Variants in GAPVD1 observed in about 807,000 individuals in gnomAD.
GAPVD1 encodes the protein GTPase activating protein and VPS9 domains 1.
Under a neutral mutation model 155.5 loss-of-function variants are expected in GAPVD1, and 35 were observed. The ratio of observed to expected loss-of-function variants is 0.23; its 90% confidence interval spans 0.17 to 0.30. The LOEUF is 0.30. Ranked by LOEUF, GAPVD1 falls within the 10% of genes least tolerant of loss-of-function variation. GAPVD1 has a pLI of 1.00. For missense variants in GAPVD1, 1,429 were observed against 1,775.7 expected (o/e 0.80, Z 3.51); for synonymous variants, 636 against 619.7 (o/e 1.03, Z -0.39).
intron 26 of GAPVD1, 30 bp downstream of exon 26, chr9:125,359,522 G>C (rs755701693): frequency 1.9e-6 from 2 of 1,057,112 alleles, no homozygotes; most frequent in South Asian, 2.5e-5. Context: ...CATGGGTAAT[G>C]TTAACTAAAT....
chr9:125,331,994 T>G lies in GAPVD1; in HGVS notation c.2242T>G (p.Ser748Ala), dbSNP rs1336579756. The stretch of plus-strand genomic sequence containing the variant: ...GAGCTGTTCTGGACTGGGTAGCACA[T>G]CTGATGATACGGATGTCAGGGAGGT... ...LESCSGLGST[S>A]DDTDVREVSS... The change falls in exon 14 of 28, where the codon TCT becomes GCT. Residue 748 changes from serine to alanine, a missense_variant. Coordinates refer to ENST00000297933, the MANE Select transcript of GAPVD1 (RefSeq NM_001282680.3). The G allele has an allele frequency of 6.2e-7, 1 of 1,613,958 alleles. No homozygotes were observed. Among genetic ancestry groups the G allele is most frequent in the Admixed American group, 1.7e-5 (1 of 60,006 alleles).
At chr9:125,328,812 G>A (rs1319675845) in intron 12 of GAPVD1, among the ~76,000 whole-genome samples, 8 of 141,560 alleles carry the variant, frequency 5.7e-5, no homozygotes, top group African/African-American at 2.0e-4. Context: ...CGGACGAGGC[G>A]GCTGGCCGGG....
intron 2 of GAPVD1, among the ~76,000 whole-genome samples, chr9:125,270,487 T>C (rs1464633793): frequency 6.6e-6 from 1 of 152,148 alleles, no homozygotes; most frequent in Non-Finnish European, 1.5e-5. Context: ...TTTCTAACTT[T>C]TCTGGATATG....
At chr9:125,343,674 T>G (rs1230972123) in intron 19 of GAPVD1, among the ~76,000 whole-genome samples, 1 of 152,202 alleles carries the variant, frequency 6.6e-6, no homozygotes, top group Non-Finnish European at 1.5e-5. Context: ...AGTAAATACT[T>G]GTTGACCATG....
In GAPVD1 at chr9:125,268,205, C is replaced by A. The variant is rs867557672; in HGVS notation, c.-198-731C>A. Among the ~76,000 whole-genome samples, 331 of 108,140 alleles carry A rather than the reference C, an allele frequency of 3.1e-3. 1 individual carries two copies. The highest frequency in any genetic ancestry group is 7.7e-3 in the African/African-American group (231 of 30,054). The allele number at this position is 108,140 out of a possible 152,430, so 70.9% of individuals were successfully genotyped here. ...CAAACAAACAAACAACCCCCCCCCC[C>A]AAAAAAAAACCAAGAACTTTATTCT... On this transcript the variant is annotated intron_variant, in intron 1 of 27. Coordinates refer to ENST00000297933, the MANE Select transcript of GAPVD1 (RefSeq NM_001282680.3).
intron 15 of GAPVD1, among the ~76,000 whole-genome samples, chr9:125,332,956 T>G (rs1437305225): frequency 6.6e-6 from 1 of 152,230 alleles, no homozygotes; most frequent in Non-Finnish European, 1.5e-5. Context: ...TGTAACTGCT[T>G]ATTGGAATTT....
Position 125,323,865 on chromosome 9 carries a change from A to G in GAPVD1, c.1800A>G (p.Gly600=). The change falls in exon 11 of 28, where the codon GGA becomes GGG. Residue 600 remains glycine, a synonymous_variant. Transcript: ENST00000297933. ...AAGGAGAGTCTGTGTCAGAACTTGG[A>G]GCAGGACCTTCTGGCAGTAATGGAG... ...DLEGESVSEL[G]AGPSGSNGVE... is the part of the protein sequence containing the mutation. 2 of 1,613,548 alleles carry G rather than the reference A, an allele frequency of 1.2e-6. No individual in the cohort carries two copies. Among genetic ancestry groups the G allele is most frequent in the Non-Finnish European group, 1.7e-6 (2 of 1,179,512 alleles).
chr9:125,302,526 C>G lies in GAPVD1; in HGVS notation c.729C>G (p.Phe243Leu). Residue 243 changes from phenylalanine to leucine, a missense_variant, in exon 5 of 28, where the codon TTC becomes TTG. By Grantham distance (22) the Phe-to-Leu change is conservative (BLOSUM62 0). Around this residue, in one of 4 missense-constraint regions of GAPVD1, gnomAD observed 628 missense variants for 733.4 expected, o/e 0.86. Coordinates refer to ENST00000297933, the MANE Select transcript of GAPVD1 (RefSeq NM_001282680.3). Reference protein sequence around the residue: ...KLFGEKGSDRFRQKVQEMVES... With the variant: ...KLFGEKGSDRLRQKVQEMVES... ...TTGGAGAGAAGGGCTCAGATAGATT[C>G]AGGCAAAAAGTTCAAGAAATGGTGG... The G allele has an allele frequency of 6.2e-7, 1 of 1,613,938 alleles. No homozygotes were observed.
chr9:125,309,739 G>GT (rs1266787911), intron 8 of GAPVD1, among the ~76,000 whole-genome samples: 1 of 152,248 alleles, frequency 6.6e-6, no homozygotes, highest in Admixed American at 6.5e-5. Flanking sequence ...CTATACATTA[G>GT]TTTTTTCATT....
intron 17 of GAPVD1, among the ~76,000 whole-genome samples, chr9:125,338,730 A>AGT (rs1186585831): frequency 1.3e-5 from 2 of 152,168 alleles, no homozygotes; most frequent in East Asian, 3.8e-4. Flanking sequence ...CCATTTCTAC[A>AGT]GTGTTCATTT....
At chr9:125,342,059 C>G (rs373889149) in intron 18 of GAPVD1, 160 bp from the exon 19 acceptor site, 1 of 547,432 alleles carries the variant, frequency 1.8e-6, no homozygotes, top group African/African-American at 1.9e-5. Context: ...CCTTTAAAAA[C>G]CTTCATTACT....
rs111743555 is a variant in GAPVD1, at chr9:125,324,420, G to A, written c.1858+497G>A. ...AGCCTGACCAACATGGAGAAAGCCC[G>A]TCTCTACTGAAAATACAAAATTAGC... On this transcript the variant is annotated intron_variant, in intron 11 of 27. Transcript: ENST00000297933. 9.3e-3 allele frequency among the ~76,000 whole-genome samples: 1,409 copies of A among 152,048 alleles called. 19 individuals carry two copies. Among genetic ancestry groups the A allele is most frequent in the Non-Finnish European group, 0.013 (865 of 67,984 alleles).
chr9:125,268,199 C>G (rs963543821), intron 1 of GAPVD1, among the ~76,000 whole-genome samples: 1 of 146,984 alleles, frequency 6.8e-6, no homozygotes, highest in South Asian at 2.3e-4. Flanking sequence ...AAACAACCCC[C>G]CCCCCCAAAA....
At chr9:125,325,539 A>AAAAAAAAAAC (rs71374252) in intron 11 of GAPVD1, among the ~76,000 whole-genome samples, 1 of 148,998 alleles carries the variant, frequency 6.7e-6, no homozygotes, top group Non-Finnish European at 1.5e-5. Flanking sequence ...AAAAAAAAAA[A>AAAAAAAAAAC]GATGATGCCC....
chr9:125,324,584 C>T (rs945777550), intron 11 of GAPVD1, among the ~76,000 whole-genome samples: 3 of 151,632 alleles, frequency 2.0e-5, no homozygotes, highest in Non-Finnish European at 4.4e-5. Context: ...AGTAAAACTC[C>T]GTCTCAAAAA....
chr9:125,263,763 A>AG (rs1833370714), intron 1 of GAPVD1: 1 of 928,042 alleles, frequency 1.1e-6, no homozygotes, highest in African/African-American at 1.6e-5. Flanking sequence ...TGAGTCTCGC[A>AG]GGTCACTCAC....
In GAPVD1 at chr9:125,307,679, T is replaced by C; in HGVS notation, c.1252-12T>C. ...AGTGATTTCATTAGCTAATGTTCTT[T>C]GCTTTTGCCAGGTGAATTTTATGAA... On this transcript the variant is annotated splice_polypyrimidine_tract_variant and intron_variant, in intron 7 of 27. Coordinates refer to ENST00000297933, the MANE Select transcript of GAPVD1 (RefSeq NM_001282680.3). 6.2e-7 allele frequency: 1 copy of C among 1,609,058 alleles called. No homozygotes were observed. Among genetic ancestry groups the C allele is most frequent in the Non-Finnish European group, 8.5e-7 (1 of 1,175,522 alleles).
At chr9:125,311,510 A>G (rs931793558) in intron 8 of GAPVD1, among the ~76,000 whole-genome samples, 14 of 152,062 alleles carry the variant, frequency 9.2e-5, no homozygotes, top group African/African-American at 3.4e-4. Flanking sequence ...AATCCCAGCT[A>G]CTTGGGAGGC....
chr9:125,262,731 C>A (rs1227983148), intron 1 of GAPVD1, among the ~76,000 whole-genome samples: 1 of 152,032 alleles, frequency 6.6e-6, no homozygotes, highest in African/African-American at 2.4e-5. Context: ...AACTGGAGTT[C>A]ATTGATGGAT....
Sources: gnomAD v4.1 joint callset for allele counts (sites outside exome capture counted in the v4.1 genomes callset) on GRCh38, gnomAD v4.1.1 for gene constraint, gnomAD v4.1.1 regional missense constraint, MANE v1.5 for transcripts, NCBI Gene and HGNC (gene_info 2026-07-23, HGNC 2026-07-21) for gene names.